Variants in RASA1 observed in about 807,000 individuals in gnomAD.
RASA1 encodes the protein RAS p21 protein activator 1.
In RASA1, 25 loss-of-function variants were observed where a neutral mutation model predicts 132.2. The ratio of observed to expected loss-of-function variants is 0.19; its 90% confidence interval spans 0.14 to 0.26. RASA1 has a LOEUF of 0.26. RASA1 is among the 10% of genes least tolerant of loss of function. The pLI, the probability that RASA1 is intolerant of heterozygous loss-of-function variation, is 1.00. For missense variants in RASA1, 964 were observed against 1,299.2 expected (o/e 0.74, Z 3.97); for synonymous variants, 477 against 449.9 (o/e 1.06, Z -0.76).
At chr5:87,322,275 T>C (rs938122626) in intron 1 of RASA1, among the ~76,000 whole-genome samples, 18 of 152,150 alleles carry the variant, frequency 1.2e-4, no homozygotes, top group African/African-American at 4.3e-4. Context: ...CTGTCTGAGC[T>C]CCACCTTCTG....
In RASA1 at chr5:87,307,462, AAACAACAAC is replaced by A. The variant is rs139386250; in HGVS notation, c.540-23863_540-23855del. Among the ~76,000 whole-genome samples the A allele has an allele frequency of 4.7e-4, 71 of 151,076 alleles. 1 individual carries two copies. The East Asian group carries it at 7.6e-3, about 16-fold the overall frequency. On this transcript the variant is annotated intron_variant, in intron 1 of 24. Transcript: ENST00000274376. Reference sequence around the variant, plus strand: ...GGCAACAGAGCGAAACTCTGTCTCAAAACAACAACAACAACAACAACAACAACAACACAA... The same window carrying A: ...GGCAACAGAGCGAAACTCTGTCTCAAAACAACAACAACAACAACAACACAA...
intron 1 of RASA1, among the ~76,000 whole-genome samples, chr5:87,304,121 C>T (rs141731382): frequency 0.021 from 3,203 of 152,258 alleles, 112 homozygotes; most frequent in African/African-American, 0.072. Flanking sequence ...AGGCATGAGC[C>T]ACTGCGCCCA....
intron 3 of RASA1, 34 bp from the exon 4 acceptor site, chr5:87,333,232 AT>A: frequency 6.2e-7 from 1 of 1,606,006 alleles, no homozygotes; most frequent in Non-Finnish European, 8.5e-7. Flanking sequence ...TAAAAAGACT[AT>A]CTTTTTAAAT....
At chr5:87,327,992 C>T (rs1288713840) in intron 1 of RASA1, among the ~76,000 whole-genome samples, 1 of 151,380 alleles carries the variant, frequency 6.6e-6, no homozygotes, top group Non-Finnish European at 1.5e-5. Flanking sequence ...AGAGAGAGAA[C>T]TTCCTATGTG....
chr5:87,373,823 T>C (rs1248576520), intron 13 of RASA1, among the ~76,000 whole-genome samples: 2 of 152,044 alleles, frequency 1.3e-5, no homozygotes, highest in African/African-American at 2.4e-5. Flanking sequence ...TGTTTACTTA[T>C]ATTAATAAAG....
chr5:87,342,595 A>G (rs1056318744), intron 6 of RASA1, among the ~76,000 whole-genome samples: 1 of 152,194 alleles, frequency 6.6e-6, no homozygotes, highest in Non-Finnish European at 1.5e-5. Flanking sequence ...TCGTTGCTAG[A>G]GATCAAGGTA....
At chr5:87,308,761 T>A (rs1755737323) in intron 1 of RASA1, among the ~76,000 whole-genome samples, 1 of 152,232 alleles carries the variant, frequency 6.6e-6, no homozygotes, top group African/African-American at 2.4e-5. Context: ...TATTTAGATA[T>A]GTTTAGATAC....
At position 87,376,902 on chromosome 5, in the gene RASA1, C is replaced by G; in HGVS notation, c.2206C>G (p.His736Asp). The G allele has an allele frequency of 6.2e-7, 1 of 1,608,626 alleles. No homozygotes were observed. Among genetic ancestry groups the G allele is most frequent in the Non-Finnish European group, 8.5e-7 (1 of 1,175,040 alleles). ...TTAGCTTATACTGCAAAAGGAACTT[C>G]ATGTAGTCTATGCTTTATCACATGT... The part of the protein sequence containing the change: ...FKELILQKEL[H>D]VVYALSHVCG... Residue 736 changes from histidine to aspartate, a missense_variant, in exon 17 of 25, where the codon CAT becomes GAT. His to Asp is a moderately conservative substitution (Grantham distance 81). Coordinates refer to ENST00000274376, the MANE Select transcript of RASA1 (RefSeq NM_002890.3).
chr5:87,355,614 C>G (rs887232904), intron 9 of RASA1, among the ~76,000 whole-genome samples: 4 of 152,176 alleles, frequency 2.6e-5, no homozygotes, highest in African/African-American at 9.7e-5. Context: ...TATTCTGCAG[C>G]CCATGGATCA....
In RASA1 at chr5:87,349,197, C is replaced by CAA. The variant is rs769135569; in HGVS notation, c.1103-16_1103-15insAA. 16 of 1,610,174 alleles carry CAA rather than the reference C, an allele frequency of 9.9e-6. No homozygotes were observed. Among genetic ancestry groups the CAA allele is most frequent in the Non-Finnish European group, 1.4e-5 (16 of 1,177,458 alleles). ...TATTTGATAATTAGGGAAAAACTAA[C>CAA]AGCTTAATTCTTACAGTTGGTCAAG... On this transcript the variant is annotated splice_polypyrimidine_tract_variant and intron_variant, in intron 7 of 24. Transcript: ENST00000274376.
At chr5:87,301,352 A>T (rs561127880) in intron 1 of RASA1, among the ~76,000 whole-genome samples, 1 of 152,174 alleles carries the variant, frequency 6.6e-6, no homozygotes, top group South Asian at 2.1e-4. Flanking sequence ...CTTTTTCTTG[A>T]AGTATAACAC....
At chr5:87,363,533 CG>C (rs1561311562) in intron 11 of RASA1, 29 bp downstream of exon 11, 1 of 1,598,046 alleles carries the variant, frequency 6.3e-7, no homozygotes, top group Admixed American at 1.7e-5. Context: ...ATTTTTCTTT[CG>C]GAATTGTCTT....
At chr5:87,312,399 AATATGTTATCT>A (rs1395242398) in intron 1 of RASA1, among the ~76,000 whole-genome samples, 1 of 152,216 alleles carries the variant, frequency 6.6e-6, no homozygotes, top group Non-Finnish European at 1.5e-5. Context: ...TTACGTGAAG[AATATGTTATCT>A]GTATTAACAG....
rs1315187282 is a variant in RASA1 at position 87,390,927 on chromosome 5, A to G, written c.*44A>G. 3.9e-6 allele frequency: 6 copies of G among 1,537,776 alleles called. No individual in the cohort carries two copies. The highest frequency in any genetic ancestry group is 1.4e-5 in the African/African-American group (1 of 73,094). On this transcript the variant is annotated 3_prime_UTR_variant, in exon 25 of 25. Transcript: ENST00000274376. ...TCTGCATGGATTCAGCATGTCCAAC[A>G]TGGTAATTCACTTCAGTTTAATGTC...
intron 1 of RASA1, among the ~76,000 whole-genome samples, chr5:87,308,599 T>G (rs1755729945): frequency 6.6e-6 from 1 of 152,180 alleles, no homozygotes; most frequent in Non-Finnish European, 1.5e-5. Context: ...TAGTAACCAT[T>G]GCTGTTGTGT....
intron 1 of RASA1, among the ~76,000 whole-genome samples, chr5:87,329,792 C>T (rs1757480534): frequency 6.6e-6 from 1 of 152,048 alleles, no homozygotes; most frequent in Non-Finnish European, 1.5e-5. Flanking sequence ...TAAGGATAAC[C>T]TAAGGATATC....
At chr5:87,358,265 A>G (rs2112444560) in intron 9 of RASA1, among the ~76,000 whole-genome samples, 1 of 152,296 alleles carries the variant, frequency 6.6e-6, no homozygotes, top group East Asian at 1.9e-4. Flanking sequence ...TTGAGACAAT[A>G]TACCCCATAA....
At chr5:87,373,249 G>A (rs201878682) in intron 13 of RASA1, among the ~76,000 whole-genome samples, 3 of 142,510 alleles carry the variant, frequency 2.1e-5, no homozygotes, top group Admixed American at 2.0e-4. Context: ...ACCATGGGTC[G>A]AAAAAATACA....
intron 1 of RASA1, among the ~76,000 whole-genome samples, chr5:87,306,121 A>G (rs998898986): frequency 2.0e-5 from 3 of 152,246 alleles, no homozygotes; most frequent in Admixed American, 2.0e-4. Context: ...TAGTGGGTAT[A>G]TAACCAAAGG....
Sources: allele counts gnomAD v4.1 joint callset (sites outside exome capture counted in the v4.1 genomes callset), GRCh38; gene constraint gnomAD v4.1.1; transcripts MANE v1.5; gene names NCBI Gene and HGNC (gene_info 2026-07-23, HGNC 2026-07-21).